EPM2A: variants seen among roughly 807,000 people sequenced by gnomAD.
EPM2A encodes the protein EPM2A glucan phosphatase, laforin, also known as laforin.
A neutral mutation model predicts 26.5 loss-of-function variants in EPM2A; 21 were observed. The observed-to-expected ratio is 0.79, with a 90% CI of 0.56 to 1.14. The LOEUF is 1.14. Among genes scored for constraint, EPM2A ranks in the 50% most tolerant of loss-of-function variants. EPM2A has a pLI of 0.00. For missense variants in EPM2A, 458 were observed against 440.8 expected (o/e 1.04, Z -0.35); for synonymous variants, 217 against 177.6 (o/e 1.22, Z -1.76).
intron 2 of EPM2A, among the ~76,000 whole-genome samples, chr6:145,673,130 T>C (rs1243406359): frequency 1.4e-5 from 2 of 144,586 alleles, no homozygotes; most frequent in African/African-American, 5.1e-5. Context: ...TTTTTAAAAT[T>C]AAAAAAAAAA....
upstream of EPM2A, chr6:145,735,534 G>A (rs1482198708): frequency 3.4e-6 from 4 of 1,166,604 alleles, no homozygotes; most frequent in East Asian, 1.6e-4. Context: ...CGGGCCCGGA[G>A]TCCCCGCGGC....
rs530847331 is a variant in EPM2A at position 145,481,414 on chromosome 6, T to G, written c.555+21108A>C. ...AATGATCGGTTTCTAAATATCACAC[T>G]ATTTCAAGGATAAAATAGATTGTTG... On this transcript the variant is annotated intron_variant, in intron 4 of 4. Transcript: ENST00000638717. Among the ~76,000 whole-genome samples the G allele has an allele frequency of 2.6e-5, 4 of 152,266 alleles. No homozygotes were observed. In the South Asian group the frequency reaches 8.3e-4, roughly 32 times the overall value.
chr6:145,386,298 G>A (rs6938533), intron 4 of EPM2A, among the ~76,000 whole-genome samples: 16,538 of 151,964 alleles, frequency 0.11, 947 homozygotes, highest in South Asian at 0.17. Context: ...GCTATACTAC[G>A]TATGGACACT....
At chr6:145,587,136 C>T (rs1781205695) in intron 2 of EPM2A, among the ~76,000 whole-genome samples, 1 of 152,070 alleles carries the variant, frequency 6.6e-6, no homozygotes, top group Admixed American at 6.6e-5. Context: ...TAGACTGTTA[C>T]AATAGCCATG....
intron 2 of EPM2A, among the ~76,000 whole-genome samples, chr6:145,588,983 A>T (rs1469044353): frequency 6.6e-6 from 1 of 152,202 alleles, no homozygotes; most frequent in Non-Finnish European, 1.5e-5. Flanking sequence ...AAGAGAAGCT[A>T]CTACCCCCAG....
At chr6:145,430,108 C>T (rs1406405299) in intron 4 of EPM2A, among the ~76,000 whole-genome samples, 1 of 151,824 alleles carries the variant, frequency 6.6e-6, no homozygotes, top group Non-Finnish European at 1.5e-5. Flanking sequence ...AGGAGAATCG[C>T]TTGAATTCAG....
intron 4 of EPM2A, among the ~76,000 whole-genome samples, chr6:145,400,710 T>C (rs1778472578): frequency 6.6e-6 from 1 of 152,214 alleles, no homozygotes; most frequent in Non-Finnish European, 1.5e-5. Context: ...TTTTGCTTAC[T>C]ATGCATGTAC....
At chr6:145,689,076 G>A (rs544566205) in intron 1 of EPM2A, among the ~76,000 whole-genome samples, 1 of 152,096 alleles carries the variant, frequency 6.6e-6, no homozygotes, top group Non-Finnish European at 1.5e-5. Context: ...AATTACAATG[G>A]TCAAGAAGAA....
intron 1 of EPM2A, among the ~76,000 whole-genome samples, chr6:145,727,690 G>A (rs1233928066): frequency 1.3e-5 from 2 of 152,170 alleles, no homozygotes; most frequent in Non-Finnish European, 2.9e-5. Context: ...ACAAATAAAT[G>A]TTGTACATGA....
At chr6:145,427,177 C>A (rs528525136) in intron 4 of EPM2A, among the ~76,000 whole-genome samples, 3 of 152,286 alleles carry the variant, frequency 2.0e-5, no homozygotes, top group African/African-American at 7.2e-5. Flanking sequence ...CAAGTCCACA[C>A]CCCTTGTTTG....
intron 2 of EPM2A, among the ~76,000 whole-genome samples, chr6:145,573,734 C>T (rs1780991896): frequency 6.6e-6 from 1 of 152,292 alleles, no homozygotes; most frequent in South Asian, 2.1e-4. Flanking sequence ...GGGGGTTCTG[C>T]CAGCTGCTAA....
At chr6:145,686,388 A>C in intron 1 of EPM2A, 92 bp from the exon 2 acceptor site, 1 of 978,244 alleles carries the variant, frequency 1.0e-6, no homozygotes, top group Non-Finnish European at 1.6e-6. Flanking sequence ...ATAGCAAGAA[A>C]AAAATAAACA....
At chr6:145,687,494 A>G (rs373867670) in intron 1 of EPM2A, among the ~76,000 whole-genome samples, 3 of 152,160 alleles carry the variant, frequency 2.0e-5, no homozygotes, top group African/African-American at 7.2e-5. Flanking sequence ...CATTATTTTT[A>G]CTACCTTTTT....
chr6:145,692,305 G>T (rs1415315717), intron 1 of EPM2A, among the ~76,000 whole-genome samples: 1 of 151,782 alleles, frequency 6.6e-6, no homozygotes, highest in Non-Finnish European at 1.5e-5. Context: ...ACAATTGTTA[G>T]AACAATTAGA....
chr6:145,524,617 T>C (rs1010868295), intron 2 of EPM2A, among the ~76,000 whole-genome samples: 1 of 152,138 alleles, frequency 6.6e-6, no homozygotes, highest in Admixed American at 6.6e-5. Flanking sequence ...CATTTTTAAA[T>C]GAGATTACTT....
At chr6:145,514,632 A>G (rs1322226859) in intron 2 of EPM2A, among the ~76,000 whole-genome samples, 2 of 152,174 alleles carry the variant, frequency 1.3e-5, no homozygotes, top group African/African-American at 4.8e-5. Context: ...GTGTTTCTCA[A>G]CTGGGGGAAA....
At chr6:145,485,659 G>A (rs1445179919) in intron 4 of EPM2A, among the ~76,000 whole-genome samples, 1 of 152,136 alleles carries the variant, frequency 6.6e-6, no homozygotes, top group Non-Finnish European at 1.5e-5. Flanking sequence ...AAGCAAAAAA[G>A]GGATGTTCTG....
intron 1 of EPM2A, among the ~76,000 whole-genome samples, chr6:145,697,509 T>C (rs1781669520): frequency 6.6e-6 from 1 of 152,148 alleles, no homozygotes; most frequent in South Asian, 2.1e-4. Flanking sequence ...ACCAAAAATT[T>C]ATTAGGCGGG....
intron 2 of EPM2A, among the ~76,000 whole-genome samples, chr6:145,615,758 G>A (rs1775497720): frequency 6.6e-6 from 1 of 152,072 alleles, no homozygotes; most frequent in Non-Finnish European, 1.5e-5. Context: ...GGTGACTCTT[G>A]CTATGTTTTA....
Sources: gnomAD v4.1 joint callset for allele counts (sites outside exome capture counted in the v4.1 genomes callset) on GRCh38, gnomAD v4.1.1 for gene constraint, MANE v1.5 for transcripts, NCBI Gene and HGNC (gene_info 2026-07-23, HGNC 2026-07-21) for gene names.